The following ZBTB46 variants were observed in gnomAD, a reference collection of about 807,000 sequenced individuals.
ZBTB46 encodes zinc finger and BTB domain-containing protein 46.
In ZBTB46, 8 loss-of-function variants were observed where a neutral mutation model predicts 44.1. That is an observed-to-expected ratio of 0.18 (90% confidence interval 0.11 to 0.33). The LOEUF (loss-of-function observed/expected upper bound fraction) is 0.33, where lower values mean the gene tolerates loss of function less well. ZBTB46 is among the 10% of genes least tolerant of loss of function. The pLI is 1.00. For synonymous variants in ZBTB46, 409 were observed against 382.3 expected (o/e 1.07, Z -0.81); for missense variants, 651 against 847.7 (o/e 0.77, Z 2.88).
At chr20:63,764,112 G>A (rs543413549) in intron 3 of ZBTB46, among the ~76,000 whole-genome samples, 3 of 151,856 alleles carry the variant, frequency 2.0e-5, no homozygotes, top group African/African-American at 7.2e-5. Flanking sequence ...GGAACTACAG[G>A]CATGAGCCAT....
At chr20:63,762,241 TTA>T (rs1205496241) in intron 3 of ZBTB46, among the ~76,000 whole-genome samples, 3 of 152,222 alleles carry the variant, frequency 2.0e-5, no homozygotes, top group African/African-American at 7.2e-5. Flanking sequence ...TTCTCTATCC[TTA>T]CTGAGATTTT....
intron 1 of ZBTB46, among the ~76,000 whole-genome samples, chr20:63,825,473 A>C (rs1003190144): frequency 1.2e-5 from 1 of 80,458 alleles, no homozygotes; most frequent in Admixed American, 1.6e-4. Flanking sequence ...CCGGCTTCCC[A>C]GGGCCAGTTG....
rs73622891 is a variant in ZBTB46, at chr20:63,779,326, C to T, written c.938-3364G>A. 3.3e-4 allele frequency among the ~76,000 whole-genome samples: 50 copies of T among 152,050 alleles called. 1 individual carries two copies. The East Asian group carries it at 6.8e-3, about 21-fold the overall frequency. On this transcript the variant is annotated intron_variant, in intron 2 of 4. Coordinates refer to ENST00000245663, the MANE Select transcript of ZBTB46 (RefSeq NM_001369741.1). ...CATGATCTCAGCTCACCGCAACCTC[C>T]GCCTCCCGGCTTCAAGTGATTCTCC...
intron 1 of ZBTB46, among the ~76,000 whole-genome samples, chr20:63,793,070 C>G (rs1166190823): frequency 1.3e-5 from 2 of 152,162 alleles, no homozygotes; most frequent in Non-Finnish European, 2.9e-5. Flanking sequence ...GCGGTGACCG[C>G]TGACCATTAC....
intron 1 of ZBTB46, among the ~76,000 whole-genome samples, chr20:63,793,250 A>T (rs557134393): frequency 3.5e-4 from 53 of 152,344 alleles, no homozygotes; most frequent in African/African-American, 1.3e-3. Context: ...GCTGCCGAAA[A>T]GGAAGAGATG....
intron 1 of ZBTB46, among the ~76,000 whole-genome samples, chr20:63,828,876 A>G (rs541204707): frequency 6.6e-6 from 1 of 152,344 alleles, no homozygotes; most frequent in African/African-American, 2.4e-5. Flanking sequence ...AGGCCGGGCT[A>G]AGACCTCTGA....
Position 63,790,043 on chromosome 20 carries a change from C to T in ZBTB46, c.715G>A (p.Gly239Arg), listed in dbSNP as rs752937242. The T allele has an allele frequency of 3.7e-6, 6 of 1,613,916 alleles. No individual in the cohort carries two copies. Among genetic ancestry groups the T allele is most frequent in the South Asian group, 3.3e-5 (3 of 91,090 alleles). ...TTGGCAGAAGGCAGCTCGCTCCCTC[C>T]GTACTGAGACGGTGAAACCTGCTCT... ...KEEQVSPSQYGGSELPSAKDG... is the reference protein window; with the variant it reads ...KEEQVSPSQYRGSELPSAKDG... Residue 239 changes from glycine (G) to arginine (R), a missense_variant, in exon 2 of 5, where the codon GGA (glycine) becomes AGA (arginine). Around this residue, in one of 5 missense-constraint regions of ZBTB46, gnomAD observed 385 missense variants for 423.3 expected, o/e 0.91. Transcript: ENST00000245663.
At chr20:63,754,302 TCTC>T (rs1418882246) in intron 3 of ZBTB46, among the ~76,000 whole-genome samples, 5 of 152,042 alleles carry the variant, frequency 3.3e-5, no homozygotes, top group East Asian at 1.9e-4. Context: ...ACAAGAGACT[TCTC>T]CTTACCGCCA....
chr20:63,808,481 G>A (rs2092696680), intron 1 of ZBTB46, among the ~76,000 whole-genome samples: 1 of 152,162 alleles, frequency 6.6e-6, no homozygotes, highest in Non-Finnish European at 1.5e-5. Flanking sequence ...GGGCCCGGCG[G>A]GAGGGAAGGG....
intron 2 of ZBTB46, among the ~76,000 whole-genome samples, chr20:63,789,459 C>T (rs895350715): frequency 4.6e-5 from 7 of 152,216 alleles, no homozygotes; most frequent in Non-Finnish European, 8.8e-5. Context: ...CAGGGGAAGC[C>T]GACCCTGCAG....
intron 1 of ZBTB46, among the ~76,000 whole-genome samples, chr20:63,826,959 C>G (rs1234646367): frequency 1.3e-5 from 2 of 152,200 alleles, no homozygotes; most frequent in African/African-American, 4.8e-5. Context: ...ACTCGCTCCA[C>G]CAGGACCGGA....
intron 1 of ZBTB46, among the ~76,000 whole-genome samples, chr20:63,818,369 G>A (rs2092772015): frequency 6.6e-6 from 1 of 152,226 alleles, no homozygotes; most frequent in African/African-American, 2.4e-5. Flanking sequence ...GCGTAAGGAG[G>A]TCCAACCCTG....
intron 3 of ZBTB46, among the ~76,000 whole-genome samples, chr20:63,755,929 G>C (rs2092216682): frequency 6.6e-6 from 1 of 152,170 alleles, no homozygotes; most frequent in South Asian, 2.1e-4. Context: ...TTCTCGCAAG[G>C]AAAAGGCCAA....
At chr20:63,793,398 C>T (rs1479467405) in intron 1 of ZBTB46, among the ~76,000 whole-genome samples, 1 of 152,164 alleles carries the variant, frequency 6.6e-6, no homozygotes, top group East Asian at 1.9e-4. Context: ...AACTAGGCAT[C>T]GGGGAAGTGA....
chr20:63,832,284 C>G (rs1429668872), upstream of ZBTB46, among the ~76,000 whole-genome samples: 1 of 152,146 alleles, frequency 6.6e-6, no homozygotes, highest in Non-Finnish European at 1.5e-5. The surrounding 1 kb of genome is among the most constrained non-coding windows in gnomAD (Gnocchi z 5.0). Flanking sequence ...TCCTGGCCGG[C>G]CTGCGCAGGG....
In ZBTB46 at chr20:63,774,989, CA is replaced by C. The variant is rs1037530265; in HGVS notation, c.1222+688del. The stretch of plus-strand genomic sequence containing the variant: ...AAGTGCTGGGATTGCAGGCGTGAGC[CA>C]CCGCGCCCGGCCCCTTTGTTTTTTT... On this transcript the variant is annotated intron_variant, in intron 3 of 4. Transcript: ENST00000245663. Among the ~76,000 whole-genome samples the C allele has an allele frequency of 2.2e-4, 34 of 152,332 alleles. 1 individual carries two copies. The highest frequency in any genetic ancestry group is 3.4e-3 in the Middle Eastern group (1 of 294).
intron 1 of ZBTB46, among the ~76,000 whole-genome samples, chr20:63,791,390 G>C (rs541133580): frequency 1.3e-5 from 2 of 151,750 alleles, no homozygotes; most frequent in South Asian, 4.2e-4. Flanking sequence ...CAGCTATTCA[G>C]GAGGCTGAGG....
chr20:63,800,075 G>A (rs537879256), intron 1 of ZBTB46, among the ~76,000 whole-genome samples: 3 of 152,268 alleles, frequency 2.0e-5, no homozygotes, highest in East Asian at 1.9e-4. Flanking sequence ...AGGTAAACAC[G>A]GGATGCTTCC....
chr20:63,817,911 C>T (rs1436337229), intron 1 of ZBTB46, among the ~76,000 whole-genome samples: 3 of 152,116 alleles, frequency 2.0e-5, no homozygotes, highest in Non-Finnish European at 4.4e-5. Context: ...AGAGTGGCCC[C>T]GTCCACCCCG....
Sources: gnomAD v4.1 joint callset for allele counts (sites outside exome capture counted in the v4.1 genomes callset) on GRCh38, gnomAD v4.1.1 for gene constraint, gnomAD v4.1.1 regional missense constraint, Gnocchi (gnomAD v3.1) non-coding constraint, MANE v1.5 for transcripts, NCBI Gene and HGNC (gene_info 2026-07-23, HGNC 2026-07-21) for gene names.